Variants in CRYBG3 observed in about 807,000 individuals in gnomAD.
CRYBG3 encodes the protein crystallin beta-gamma domain containing 3.
Under a neutral mutation model 244.2 loss-of-function variants are expected in CRYBG3, and 127 were observed. That is an observed-to-expected ratio of 0.52 (90% CI 0.45 to 0.60). The LOEUF is 0.60. Among genes scored for constraint, CRYBG3 ranks in the 20% least tolerant of loss-of-function variants. The pLI is 0.00. For synonymous variants in CRYBG3, 1,132 were observed against 1,195.8 expected (o/e 0.95, Z 1.10); for missense variants, 3,325 against 3,442.5 (o/e 0.97, Z 0.85).
rs754393369 is a variant in CRYBG3 at position 97,912,111 on chromosome 3, G to A, written c.8005-56G>A. 2.7e-5 allele frequency: 22 copies of A among 811,212 alleles called. No individual in the cohort carries two copies. The East Asian group carries it at 4.4e-4, about 16-fold the overall frequency. The allele number at this position is 811,212 out of a possible 1,614,324, so 50.3% of individuals were successfully genotyped here. ...TGAAATTAAAGGTTTTTATTTGCTC[G>A]TGATCATCTAAGACCATTTTTTTTC... On this transcript the variant is annotated intron_variant, in intron 15 of 21. Coordinates refer to ENST00000389622, the MANE Select transcript of CRYBG3 (RefSeq NM_153605.4).
intron 1 of CRYBG3, among the ~76,000 whole-genome samples, chr3:97,831,447 G>A (rs2108155407): frequency 6.6e-6 from 1 of 152,238 alleles, no homozygotes; most frequent in Middle Eastern, 3.4e-3. Flanking sequence ...AGAGACAGAG[G>A]ATCAAAGACA....
Position 97,822,202 on chromosome 3 carries a change from G to T in CRYBG3, c.-5G>T. The T allele has an allele frequency of 6.6e-7, 1 of 1,516,116 alleles. No homozygotes were observed. Among genetic ancestry groups the T allele is most frequent in the Non-Finnish European group, 8.8e-7 (1 of 1,137,192 alleles). 93.9% of individuals were successfully genotyped at this position (1,516,116 alleles called of 1,614,324 possible). A position where few individuals can be genotyped will look rare whatever the true frequency, so the allele number is the denominator to read the frequency against. On this transcript the variant is annotated 5_prime_UTR_variant, in exon 1 of 22. Transcript: ENST00000389622. Reference sequence around the variant, plus strand: ...ACAGCCCCGGGCCAGCGGCCCCCTCGGGAAATGTCCAGCGGCCGCAGAAGG... The same window carrying T: ...ACAGCCCCGGGCCAGCGGCCCCCTCTGGAAATGTCCAGCGGCCGCAGAAGG...
At chr3:97,852,763 A>G (rs1469205589) in intron 2 of CRYBG3, among the ~76,000 whole-genome samples, 1 of 152,168 alleles carries the variant, frequency 6.6e-6, no homozygotes, top group East Asian at 1.9e-4. Flanking sequence ...ACTGTTTTCC[A>G]TAATGATTGT....
At chr3:97,914,047 G>T (rs924217403) in intron 16 of CRYBG3, among the ~76,000 whole-genome samples, 4 of 151,962 alleles carry the variant, frequency 2.6e-5, no homozygotes, top group Non-Finnish European at 5.9e-5. Context: ...ATTCTTTAAG[G>T]TTCAGTCCAC....
intron 10 of CRYBG3, among the ~76,000 whole-genome samples, chr3:97,890,966 C>T (rs2039569161): frequency 6.6e-6 from 1 of 152,066 alleles, no homozygotes; most frequent in South Asian, 2.1e-4. Context: ...TATTGCATCC[C>T]CTCAATTTGA....
At chr3:97,907,797 T>A (rs2108246516) in intron 15 of CRYBG3, among the ~76,000 whole-genome samples, 2 of 151,734 alleles carry the variant, frequency 1.3e-5, no homozygotes, top group South Asian at 4.2e-4. Context: ...AGCTTTTGAA[T>A]GTGTTTGCTC....
intron 17 of CRYBG3, among the ~76,000 whole-genome samples, chr3:97,921,478 A>G (rs1186019098): frequency 1.3e-5 from 2 of 152,114 alleles, no homozygotes; most frequent in African/African-American, 2.4e-5. Context: ...CTAAAAATAT[A>G]TAGGCAGTAG....
In CRYBG3 at chr3:97,876,027, A is replaced by T. The variant is rs1005474937; in HGVS notation, c.4833A>T (p.Gly1611=). 3 of 1,231,936 alleles carry T rather than the reference A, an allele frequency of 2.4e-6. No homozygotes were observed. Among genetic ancestry groups the T allele is most frequent in the Non-Finnish European group, 3.0e-6 (3 of 987,936 alleles). 76.3% of individuals were successfully genotyped at this position (1,231,936 alleles called of 1,614,324 possible). A position where few individuals can be genotyped will look rare whatever the true frequency, so the allele number is the denominator to read the frequency against. The part of the protein sequence containing the change: ...DAESCIEKTE[G]SAVILGMEKA... Reference sequence around the variant, plus strand: ...AGAGCTGTATTGAAAAAACTGAGGGATCAGCTGTCATTTTAGGAATGGAAA... The same window carrying T: ...AGAGCTGTATTGAAAAAACTGAGGGTTCAGCTGTCATTTTAGGAATGGAAA... Residue 1611 remains glycine, a synonymous_variant, in exon 4 of 22, where the codon GGA becomes GGT. Transcript: ENST00000389622.
At chr3:97,919,343 C>G (rs2039959791) in intron 17 of CRYBG3, among the ~76,000 whole-genome samples, 1 of 152,056 alleles carries the variant, frequency 6.6e-6, no homozygotes. Context: ...ACTAAGACAG[C>G]TCTATGTAAG....
At chr3:97,867,919 A>G (rs2039254306) in intron 3 of CRYBG3, among the ~76,000 whole-genome samples, 1 of 152,188 alleles carries the variant, frequency 6.6e-6, no homozygotes, top group Admixed American at 6.5e-5. Context: ...ATTATTAGCT[A>G]TATACTTTTA....
At chr3:97,883,368 T>C (rs1382014109) in intron 7 of CRYBG3, among the ~76,000 whole-genome samples, 1 of 152,192 alleles carries the variant, frequency 6.6e-6, no homozygotes, top group Non-Finnish European at 1.5e-5. Flanking sequence ...GTAACTGAAC[T>C]CTTCTAAGAT....
At chr3:97,826,601 A>G (rs1236864170) in intron 1 of CRYBG3, among the ~76,000 whole-genome samples, 1 of 152,216 alleles carries the variant, frequency 6.6e-6, no homozygotes, top group Admixed American at 6.5e-5. Context: ...GGTGGTTGTA[A>G]AATTAAGGAA....
At chr3:97,909,359 A>G (rs1235583126) in intron 15 of CRYBG3, among the ~76,000 whole-genome samples, 1 of 148,480 alleles carries the variant, frequency 6.7e-6, no homozygotes. Context: ...ACTTGGTTCC[A>G]TTCTCCCCAT....
At chr3:97,840,270 T>C (rs916827567) in intron 1 of CRYBG3, among the ~76,000 whole-genome samples, 3 of 152,088 alleles carry the variant, frequency 2.0e-5, no homozygotes, top group Non-Finnish European at 2.9e-5. Flanking sequence ...GCTAAGAATG[T>C]TTCATGTAGA....
intron 3 of CRYBG3, among the ~76,000 whole-genome samples, chr3:97,867,374 A>C (rs1226951704): frequency 6.6e-6 from 1 of 152,214 alleles, no homozygotes; most frequent in Non-Finnish European, 1.5e-5. Flanking sequence ...TATTTTCCTA[A>C]ATGTGAATTA....
chr3:97,896,260 A>AT (rs141188747), intron 12 of CRYBG3, among the ~76,000 whole-genome samples, 175 bp downstream of exon 12: 2,184 of 152,090 alleles, frequency 0.014, 52 homozygotes, highest in African/African-American at 0.05. Flanking sequence ...TTATTATGGA[A>AT]TTTTTTTTAA....
chr3:97,823,185 TC>T (rs941209308), intron 1 of CRYBG3, among the ~76,000 whole-genome samples: 1 of 152,120 alleles, frequency 6.6e-6, no homozygotes, highest in African/African-American at 2.4e-5. Flanking sequence ...AGTCTTTTCA[TC>T]CCCCCGAAGA....
Position 97,874,637 on chromosome 3 carries a change from A to T in CRYBG3, c.3443A>T (p.Asn1148Ile). 1 of 1,536,042 alleles carries T rather than the reference A, an allele frequency of 6.5e-7. No homozygotes were observed. Among genetic ancestry groups the T allele is most frequent in the Non-Finnish European group, 8.7e-7 (1 of 1,146,846 alleles). ...IDFPTAAQFD[N>I]LVEAETGAVA... is the part of the protein sequence containing the mutation. ...TTCCCAACTGCTGCCCAATTTGACAATCTCGTGGAAGCAGAGACTGGAGCA... is the reference window on the plus strand; with the variant it reads ...TTCCCAACTGCTGCCCAATTTGACATTCTCGTGGAAGCAGAGACTGGAGCA... Residue 1148 changes from asparagine to isoleucine, a missense_variant, in exon 4 of 22, where the codon AAT (asparagine) becomes ATT (isoleucine). Physicochemically the swap from Asn to Ile is moderately radical, Grantham distance 149. Around this residue, in one of 4 missense-constraint regions of CRYBG3, gnomAD observed 1,526 missense variants for 1,443.2 expected, o/e 1.06. Transcript: ENST00000389622.
At position 97,866,260 on chromosome 3, in the gene CRYBG3, T is replaced by C. The variant is rs567082832; in HGVS notation, c.647+1613T>C. Among the ~76,000 whole-genome samples the C allele has an allele frequency of 1.2e-4, 19 of 152,292 alleles. No homozygotes were observed. The South Asian group carries it at 1.7e-3, about 13-fold the overall frequency. The stretch of plus-strand genomic sequence containing the variant: ...TTGGTAGCATTTTTTAGAAATTCAA[T>C]TGGCAATATATATCAAGAGCCTTAA... On this transcript the variant is annotated intron_variant, in intron 3 of 21. Transcript: ENST00000389622.
Sources: gnomAD v4.1 joint callset for allele counts (sites outside exome capture counted in the v4.1 genomes callset) on GRCh38, gnomAD v4.1.1 for gene constraint, gnomAD v4.1.1 regional missense constraint, MANE v1.5 for transcripts, NCBI Gene and HGNC (gene_info 2026-07-23, HGNC 2026-07-21) for gene names.